Variants in CCAR1 observed in about 807,000 individuals in gnomAD.
CCAR1 encodes the protein cell division cycle and apoptosis regulator protein 1.
Under a neutral mutation model 163.8 loss-of-function variants are expected in CCAR1, and 78 were observed. The observed-to-expected ratio is 0.48, with a 90% confidence interval of 0.40 to 0.57. The LOEUF (loss-of-function observed/expected upper bound fraction) is 0.57. Ranked by LOEUF, CCAR1 falls within the 20% of genes least tolerant of loss-of-function variation. The probability of loss-of-function intolerance (pLI) is 0.00; values close to 1 mark genes in which losing one functional copy is unlikely to be tolerated. For missense variants in CCAR1, 1,019 were observed against 1,365.2 expected, an observed-to-expected ratio of 0.75 and a Z score of 4.00; for synonymous variants, 443 against 460.7, an observed-to-expected ratio of 0.96 and a Z score of 0.49.
chr10:68,747,289 T>TA lies in CCAR1; in HGVS notation c.633+14_633+15insA. ...CTACCAAATCAGGTACAGAAAGTAT[T>TA]GAGTTAGGTATTATAGAAGCTTGGT... On this transcript the variant is annotated intron_variant, in intron 7 of 24. Transcript: ENST00000265872. The TA allele has an allele frequency of 6.3e-7, 1 of 1,583,142 alleles. No individual in the cohort carries two copies. Among genetic ancestry groups the TA allele is most frequent in the African/African-American group, 1.4e-5 (1 of 74,048 alleles).
intron 6 of CCAR1, among the ~76,000 whole-genome samples, chr10:68,743,532 C>G (rs1227697867): frequency 1.3e-5 from 2 of 151,350 alleles, no homozygotes; most frequent in African/African-American, 4.9e-5. Flanking sequence ...GTTTCTTTTT[C>G]TTTCCTACTT....
chr10:68,772,905 G>A (rs927843506), intron 18 of CCAR1, 83 bp from the exon 19 acceptor site: 2 of 649,698 alleles, frequency 3.1e-6, no homozygotes, highest in Non-Finnish European at 5.1e-6. Context: ...GAGCCCACGG[G>A]TTGGAGACCA....
intron 6 of CCAR1, among the ~76,000 whole-genome samples, chr10:68,743,184 C>T (rs1013416176): frequency 2.3e-4 from 34 of 148,840 alleles, no homozygotes; most frequent in African/African-American, 7.7e-4. Flanking sequence ...ACTCTTCTTT[C>T]TTTCTTTTTC....
At chr10:68,763,450 C>T (rs1329817785) in intron 16 of CCAR1, among the ~76,000 whole-genome samples, 1 of 149,856 alleles carries the variant, frequency 6.7e-6, no homozygotes, top group African/African-American at 2.5e-5. Context: ...TGCGCCCAGC[C>T]TTATTTTTAT....
intron 23 of CCAR1, among the ~76,000 whole-genome samples, chr10:68,789,069 C>T (rs1430999409): frequency 1.3e-5 from 2 of 151,714 alleles, no homozygotes; most frequent in African/African-American, 2.4e-5. Context: ...GTCACCACGC[C>T]TGGCTAATTT....
At chr10:68,733,086 A>G (rs1432483404) in intron 2 of CCAR1, among the ~76,000 whole-genome samples, 1 of 152,088 alleles carries the variant, frequency 6.6e-6, no homozygotes, top group Non-Finnish European at 1.5e-5. Context: ...CTCCCTACCT[A>G]TGACATCTGA....
chr10:68,726,463 A>T (rs1308381518), intron 2 of CCAR1, among the ~76,000 whole-genome samples: 1 of 152,082 alleles, frequency 6.6e-6, no homozygotes, highest in Admixed American at 6.6e-5. Flanking sequence ...TGACATGCTT[A>T]AACCTTTGTA....
intron 19 of CCAR1, among the ~76,000 whole-genome samples, chr10:68,778,613 C>T (rs1329605404): frequency 6.6e-6 from 1 of 152,126 alleles, no homozygotes; most frequent in Admixed American, 6.6e-5. Flanking sequence ...TCTACCCCTA[C>T]ACTTGAATAA....
At chr10:68,763,442 C>T (rs1020897857) in intron 16 of CCAR1, among the ~76,000 whole-genome samples, 9 of 151,412 alleles carry the variant, frequency 5.9e-5, no homozygotes, top group Non-Finnish European at 1.2e-4. Context: ...TATTACATTG[C>T]GCCCAGCCTT....
chr10:68,741,088 AT>A (rs889850236), intron 5 of CCAR1, among the ~76,000 whole-genome samples: 3 of 151,364 alleles, frequency 2.0e-5, no homozygotes, highest in African/African-American at 7.3e-5. Context: ...TGATTTTTGT[AT>A]TTTTAGTAGA....
chr10:68,772,955 G>A (rs1017716033), intron 18 of CCAR1, 33 bp from the exon 19 acceptor site: 9 of 1,147,080 alleles, frequency 7.8e-6, no homozygotes, highest in African/African-American at 3.2e-5. Context: ...CTAAAAATAA[G>A]TAAATAAATA....
chr10:68,786,162 C>T lies in CCAR1; in HGVS notation c.2677C>T (p.Arg893Ter). ...TAGGGATGAGGAAGAAATGACCAAA[C>T]GAGATGACAAAAGAGATATCAACAG... The part of the protein sequence containing the change: ...DDRDEEEMTK[R>*]DDKRDINRYC... Residue 893 changes from arginine (R) to a stop codon, truncating the protein, a stop_gained, in exon 20 of 25, where the codon CGA (arginine) becomes TGA (stop). Coordinates refer to ENST00000265872, the MANE Select transcript of CCAR1 (RefSeq NM_018237.4). LOFTEE classifies it high-confidence loss of function. The T allele has an allele frequency of 6.2e-7, 1 of 1,612,306 alleles. No individual in the cohort carries two copies.
At chr10:68,786,401 A>G (rs766317785) in intron 20 of CCAR1, 145 bp from the exon 21 acceptor site, 1 of 703,482 alleles carries the variant, frequency 1.4e-6, no homozygotes, top group South Asian at 2.1e-5. Flanking sequence ...TCATATTCGT[A>G]TACCAGATAA....
At chr10:68,773,939 C>T (rs961025400) in intron 19 of CCAR1, among the ~76,000 whole-genome samples, 2 of 151,876 alleles carry the variant, frequency 1.3e-5, no homozygotes, top group African/African-American at 4.8e-5. Flanking sequence ...GTTGCCCAGG[C>T]TGGAGTGCAA....
At chr10:68,728,403 G>A (rs762103090) in intron 2 of CCAR1, among the ~76,000 whole-genome samples, 11 of 151,330 alleles carry the variant, frequency 7.3e-5, no homozygotes, top group Non-Finnish European at 1.6e-4. Context: ...TTGAGACAGG[G>A]TCTCACTTTG....
intron 19 of CCAR1, among the ~76,000 whole-genome samples, chr10:68,778,929 C>G (rs535479945): frequency 6.6e-6 from 1 of 152,352 alleles, no homozygotes; most frequent in African/African-American, 2.4e-5. Flanking sequence ...CAGCTCACTC[C>G]AACCTCCGCC....
intron 5 of CCAR1, 107 bp downstream of exon 5, chr10:68,740,768 A>G: frequency 1.2e-6 from 1 of 830,482 alleles, no homozygotes; most frequent in South Asian, 1.8e-5. Context: ...TGTTAGATTC[A>G]CCTAATAATT....
intron 2 of CCAR1, among the ~76,000 whole-genome samples, chr10:68,725,606 A>G (rs2055932248): frequency 6.6e-6 from 1 of 152,136 alleles, no homozygotes; most frequent in Non-Finnish European, 1.5e-5. Context: ...TAGGGATTTC[A>G]AATAAGTTTC....
intron 8 of CCAR1, among the ~76,000 whole-genome samples, chr10:68,748,161 G>A (rs902835679): frequency 6.6e-6 from 1 of 152,164 alleles, no homozygotes; most frequent in Non-Finnish European, 1.5e-5. Context: ...GTCCAGACGT[G>A]TTCTTATAAA....
Sources: gnomAD v4.1 joint callset for allele counts (sites outside exome capture counted in the v4.1 genomes callset) on GRCh38, gnomAD v4.1.1 for gene constraint, MANE v1.5 for transcripts, NCBI Gene and HGNC (gene_info 2026-07-23, HGNC 2026-07-21) for gene names.